The following CDH18 variants were observed in gnomAD, a reference collection of about 807,000 sequenced individuals.
CDH18 encodes cadherin 18, also known as cadherin-18.
Under a neutral mutation model 67.9 loss-of-function variants are expected in CDH18, and 31 were observed. The observed-to-expected ratio is 0.46, with a 90% CI of 0.34 to 0.62. The LOEUF (loss-of-function observed/expected upper bound fraction) is 0.62, where lower values mean the gene tolerates loss of function less well. CDH18 is among the 20% of genes least tolerant of loss of function. CDH18 has a pLI of 0.01. For missense variants in CDH18, 890 were observed against 975.5 expected (o/e 0.91, Z 1.17); for synonymous variants, 362 against 347.2 (o/e 1.04, Z -0.48).
intron 2 of CDH18, among the ~76,000 whole-genome samples, chr5:20,037,513 GAC>G (rs763881977): frequency 6.6e-6 from 1 of 152,040 alleles, no homozygotes; most frequent in African/African-American, 2.4e-5. Context: ...CAGTCCCTCA[GAC>G]CACAGTGCAA....
At chr5:20,232,340 AG>A (rs1742143284) in intron 2 of CDH18, among the ~76,000 whole-genome samples, 2 of 152,166 alleles carry the variant, frequency 1.3e-5, no homozygotes, top group Admixed American at 6.5e-5. Flanking sequence ...TTGAAGAGAA[AG>A]GCTGAACCTA....
chr5:20,252,732 T>A (rs988352883), intron 2 of CDH18, among the ~76,000 whole-genome samples: 1 of 152,004 alleles, frequency 6.6e-6, no homozygotes, highest in African/African-American at 2.4e-5. Flanking sequence ...GGCCAGGAGA[T>A]GGAGACCACC....
At chr5:20,268,525 C>T (rs1745211067) in intron 1 of CDH18, among the ~76,000 whole-genome samples, 1 of 152,062 alleles carries the variant, frequency 6.6e-6, no homozygotes, top group Non-Finnish European at 1.5e-5. Context: ...CGCTTGAGCC[C>T]AGGAATTTGA....
intron 2 of CDH18, among the ~76,000 whole-genome samples, chr5:20,018,388 C>T (rs775565193): frequency 9.2e-5 from 14 of 152,140 alleles, no homozygotes; most frequent in Non-Finnish European, 1.9e-4. Context: ...GGTTCCATGG[C>T]ATGACTTTTG....
intron 1 of CDH18, among the ~76,000 whole-genome samples, chr5:20,538,796 A>G (rs999409157): frequency 2.0e-5 from 3 of 149,550 alleles, no homozygotes; most frequent in Non-Finnish European, 4.4e-5. Context: ...GAAGGTGTAT[A>G]TTGTGTGAAT....
At chr5:20,250,210 TTTGTTTTGTTTTGTTTTTG>T in intron 2 of CDH18, among the ~76,000 whole-genome samples, 1 of 152,164 alleles carries the variant, frequency 6.6e-6, no homozygotes, top group Non-Finnish European at 1.5e-5. Context: ...TCTTCCACAT[TTTGTTTTGTTTTGTTTTTG>T]TTCTATTTCC....
intron 5 of CDH18, among the ~76,000 whole-genome samples, chr5:19,674,744 T>C (rs985835755): frequency 9.2e-5 from 14 of 152,172 alleles, no homozygotes; most frequent in African/African-American, 3.4e-4. Flanking sequence ...CCAAATAATA[T>C]TTTATAATCT....
At chr5:19,531,227 A>C (rs1178925138) in intron 9 of CDH18, among the ~76,000 whole-genome samples, 1 of 152,232 alleles carries the variant, frequency 6.6e-6, no homozygotes, top group South Asian at 2.1e-4. Flanking sequence ...CATCTGATTA[A>C]CTCATATATC....
In CDH18 at chr5:19,472,767, A is replaced by C. The variant is rs2126482137; in HGVS notation, c.*459T>G. On this transcript the variant is annotated 3_prime_UTR_variant, in exon 13 of 13. Transcript: ENST00000382275. Reference sequence around the variant, plus strand: ...TTATAATAACAGAGTGTGGTTCTCAAGGTTTCACCCAGAAAAGTGATAAAA... The same window carrying C: ...TTATAATAACAGAGTGTGGTTCTCACGGTTTCACCCAGAAAAGTGATAAAA... 6.6e-6 allele frequency among the ~76,000 whole-genome samples: 1 copy of C among 152,260 alleles called. No homozygotes were observed.
intron 1 of CDH18, among the ~76,000 whole-genome samples, chr5:20,389,843 A>G (rs992846893): frequency 6.6e-6 from 1 of 152,148 alleles, no homozygotes; most frequent in African/African-American, 2.4e-5. Context: ...GCATATCTAC[A>G]ACTATCTGAT....
intron 1 of CDH18, chr5:20,305,783 A>C: frequency 7.9e-6 from 2 of 252,138 alleles, no homozygotes; most frequent in Non-Finnish European, 7.6e-6. Context: ...ACTCGAATCT[A>C]CCCCCAAAAC....
rs112380930 is a variant in CDH18, at chr5:20,110,972, T to A, written c.-517-118958A>T. Among the ~76,000 whole-genome samples the A allele has an allele frequency of 4.9e-4, 74 of 152,266 alleles. 2 individuals carry two copies. Among genetic ancestry groups the A allele is most frequent in the African/African-American group, 1.7e-3 (70 of 41,546 alleles). On this transcript the variant is annotated intron_variant, in intron 2 of 14. Coordinates refer to the CDH18 transcript ENST00000507958. ...TTTCTACTGCTTTGATGTCTCATAG[T>A]AAAGGATAAAAGATTCCTATTCTTA...
intron 3 of CDH18, among the ~76,000 whole-genome samples, chr5:19,770,901 G>A (rs1441281701): frequency 6.6e-6 from 1 of 152,168 alleles, no homozygotes; most frequent in Non-Finnish European, 1.5e-5. Context: ...CAGATGAAGA[G>A]AAACTATATA....
chr5:20,185,389 C>A (rs553379900), intron 2 of CDH18, among the ~76,000 whole-genome samples: 1 of 152,120 alleles, frequency 6.6e-6, no homozygotes, highest in East Asian at 1.9e-4. Context: ...CTTTGGGACA[C>A]AACTTATATT....
chr5:20,069,044 G>GA (rs556194627), intron 2 of CDH18, among the ~76,000 whole-genome samples: 13 of 152,016 alleles, frequency 8.6e-5, no homozygotes, highest in East Asian at 3.9e-4. Flanking sequence ...GTGAATGGGG[G>GA]AAAAAAAGGA....
chr5:19,618,255 G>A (rs895619734), intron 5 of CDH18, among the ~76,000 whole-genome samples: 3 of 151,742 alleles, frequency 2.0e-5, no homozygotes, highest in African/African-American at 4.8e-5. Context: ...ACCCAGACTG[G>A]AGTGCAGAGG....
At chr5:19,680,626 A>C (rs993606839) in intron 5 of CDH18, among the ~76,000 whole-genome samples, 2 of 152,052 alleles carry the variant, frequency 1.3e-5, no homozygotes, top group African/African-American at 4.8e-5. Context: ...ATACTTTTCG[A>C]AAGAGGACAT....
intron 2 of CDH18, among the ~76,000 whole-genome samples, chr5:19,976,406 T>C (rs775423081): frequency 7.2e-5 from 11 of 152,018 alleles, no homozygotes; most frequent in Non-Finnish European, 7.4e-5. Context: ...CACACATTTG[T>C]TGTTTCAGTA....
At chr5:19,824,587 C>T (rs1003524852) in intron 3 of CDH18, among the ~76,000 whole-genome samples, 5 of 152,150 alleles carry the variant, frequency 3.3e-5, no homozygotes, top group African/African-American at 7.2e-5. Flanking sequence ...AGCCTTGGGT[C>T]CCAAAGCAGA....
Sources: allele counts gnomAD v4.1 joint callset (sites outside exome capture counted in the v4.1 genomes callset), GRCh38; gene constraint gnomAD v4.1.1; transcripts MANE v1.5; gene names NCBI Gene and HGNC (gene_info 2026-07-23, HGNC 2026-07-21).